The following MARCHF1 variants were observed in gnomAD, a reference collection of about 807,000 sequenced individuals.
The protein encoded by MARCHF1 is E3 ubiquitin-protein ligase MARCHF1.
In MARCHF1, 40 loss-of-function variants were observed where a neutral mutation model predicts 54.2. That is an observed-to-expected ratio of 0.74 (90% CI 0.57 to 0.96). The LOEUF (loss-of-function observed/expected upper bound fraction) is 0.96, where lower values mean the gene tolerates loss of function less well. MARCHF1 is among the 40% of genes least tolerant of loss of function. The pLI, the probability that MARCHF1 is intolerant of heterozygous loss-of-function variation, is 0.00. For missense variants in MARCHF1, 586 were observed against 656.5 expected (o/e 0.89, Z 1.17); for synonymous variants, 236 against 236.3 (o/e 1.00, Z 0.01).
At chr4:163,572,678 A>G (rs78622376) in intron 8 of MARCHF1, among the ~76,000 whole-genome samples, 7,278 of 152,196 alleles carry the variant, frequency 0.048, 559 homozygotes, top group African/African-American at 0.16. Context: ...TTATAGTAGA[A>G]GCACTGTTGT....
At chr4:163,980,014 T>A (rs1272819460) in intron 3 of MARCHF1, among the ~76,000 whole-genome samples, 1 of 151,840 alleles carries the variant, frequency 6.6e-6, no homozygotes, top group African/African-American at 2.4e-5. Flanking sequence ...TGGAAAAAAC[T>A]ACTTTAAAGT....
At chr4:163,603,892 C>G (rs144890018) in intron 7 of MARCHF1, among the ~76,000 whole-genome samples, 3 of 152,152 alleles carry the variant, frequency 2.0e-5, no homozygotes, top group African/African-American at 4.8e-5. Context: ...TTCAAAGGCT[C>G]TCTGTTTGAC....
intron 5 of MARCHF1, among the ~76,000 whole-genome samples, chr4:163,654,773 A>G (rs1743083294): frequency 6.6e-6 from 1 of 151,666 alleles, no homozygotes; most frequent in African/African-American, 2.4e-5. Context: ...TGTAAATTCC[A>G]TACAGCTGAA....
chr4:163,861,623 A>ACTCAACATTGTTAACATATTAATTCTTCC (rs1207617567), intron 3 of MARCHF1, among the ~76,000 whole-genome samples: 1 of 152,102 alleles, frequency 6.6e-6, no homozygotes, highest in African/African-American at 2.4e-5. Flanking sequence ...GGATGGGAAG[A>ACTCAACATTGTTAACATATTAATTCTTCC]CTCAACATTG....
chr4:163,968,571 T>C (rs183518129), intron 3 of MARCHF1, among the ~76,000 whole-genome samples: 9 of 152,286 alleles, frequency 5.9e-5, no homozygotes, highest in African/African-American at 2.2e-4. Context: ...AACACCATTA[T>C]ACCTCACCAG....
intron 2 of MARCHF1, among the ~76,000 whole-genome samples, chr4:164,024,082 A>G (rs183157082): frequency 1.6e-4 from 24 of 152,316 alleles, no homozygotes; most frequent in Admixed American, 1.5e-3. Context: ...GAAATATGGG[A>G]TTATGTGAAG....
At chr4:163,542,692 A>C (rs1738759277) in intron 9 of MARCHF1, among the ~76,000 whole-genome samples, 1 of 152,188 alleles carries the variant, frequency 6.6e-6, no homozygotes, top group East Asian at 1.9e-4. Flanking sequence ...TCTTCAGTAC[A>C]AACTGCTGGC....
At chr4:164,176,495 C>G (rs896727643) in intron 1 of MARCHF1, among the ~76,000 whole-genome samples, 8 of 152,016 alleles carry the variant, frequency 5.3e-5, no homozygotes, top group African/African-American at 1.9e-4. Context: ...CAGGTAACAC[C>G]AAACCCCTTA....
At position 163,737,612 on chromosome 4, in the gene MARCHF1, A is replaced by G. The variant is rs1339019461; in HGVS notation, c.112-36749T>C. Among the ~76,000 whole-genome samples the G allele has an allele frequency of 3.2e-5, 4 of 125,342 alleles. 1 individual carries two copies. The Admixed American group carries it at 3.2e-4, about 10-fold the overall frequency. 82.2% of individuals were successfully genotyped at this position (125,342 alleles called of 152,430 possible). A position where few individuals can be genotyped will look rare whatever the true frequency, so the allele number is the denominator to read the frequency against. On this transcript the variant is annotated intron_variant, in intron 4 of 9. Coordinates refer to ENST00000514618, the MANE Select transcript of MARCHF1 (RefSeq NM_001394959.1). ...GTGCCACATTTTCTTAATCCAGTCT[A>G]TCATTGTTGGACATTTGGGTTTGCA...
At chr4:163,988,835 T>C (rs1752918204) in intron 2 of MARCHF1, 126 bp from the exon 3 acceptor site, 2 of 152,036 alleles carry the variant, frequency 1.3e-5, no homozygotes, top group Non-Finnish European at 2.9e-5. Context: ...ATCCAGGGAG[T>C]ACTGCATTCT....
At chr4:164,019,909 C>T (rs187883215) in intron 2 of MARCHF1, among the ~76,000 whole-genome samples, 7 of 152,184 alleles carry the variant, frequency 4.6e-5, no homozygotes, top group Admixed American at 3.9e-4. Flanking sequence ...ACTGTTTACG[C>T]TAAGAAAAGC....
intron 4 of MARCHF1, among the ~76,000 whole-genome samples, chr4:163,739,498 A>T (rs1398267424): frequency 1.3e-5 from 2 of 152,266 alleles, no homozygotes; most frequent in African/African-American, 4.8e-5. Context: ...GTTATAGAAC[A>T]GTAATTTCAA....
At chr4:163,955,628 C>T (rs963593240) in intron 3 of MARCHF1, among the ~76,000 whole-genome samples, 5 of 152,086 alleles carry the variant, frequency 3.3e-5, no homozygotes, top group African/African-American at 9.7e-5. Context: ...TCTTGAAGAT[C>T]GCATCTAACG....
chr4:164,377,889 C>T (rs957051259), intron 1 of MARCHF1, among the ~76,000 whole-genome samples: 4 of 152,126 alleles, frequency 2.6e-5, no homozygotes, highest in East Asian at 1.9e-4. Flanking sequence ...AGCTGTATTG[C>T]GTAGGAGGCT....
intron 1 of MARCHF1, among the ~76,000 whole-genome samples, chr4:164,201,502 G>A (rs574163052): frequency 5.9e-5 from 9 of 152,306 alleles, no homozygotes; most frequent in Middle Eastern, 3.4e-3. Flanking sequence ...TTATAGGTGT[G>A]AGCCACCGTG....
At chr4:164,003,111 T>C (rs549484581) in intron 2 of MARCHF1, among the ~76,000 whole-genome samples, 1 of 152,078 alleles carries the variant, frequency 6.6e-6, no homozygotes, top group South Asian at 2.1e-4. Flanking sequence ...GCATGATGTA[T>C]GCTATCTGTG....
chr4:164,002,426 A>G (rs1184808775), intron 2 of MARCHF1, among the ~76,000 whole-genome samples: 1 of 151,812 alleles, frequency 6.6e-6, no homozygotes, highest in African/African-American at 2.4e-5. Context: ...CATATTTGAA[A>G]TAAAAATTCA....
rs57610885 is a variant in MARCHF1 at position 164,303,899 on chromosome 4, T to C, written c.-323+79971A>G. Among the ~76,000 whole-genome samples the C allele has an allele frequency of 6.7e-3, 1,013 of 152,324 alleles. 12 individuals are homozygous for C. Among genetic ancestry groups the C allele is most frequent in the African/African-American group, 0.023 (953 of 41,578 alleles). On this transcript the variant is annotated intron_variant, in intron 1 of 9. Transcript: ENST00000514618. ...TAGGAAAGAGAAGTTATAGCCCCTA[T>C]GGGCATTATTGGGTAATCGACACTC...
chr4:163,990,357 TA>T (rs199677517), intron 2 of MARCHF1, among the ~76,000 whole-genome samples: 2,872 of 148,900 alleles, frequency 0.019, 117 homozygotes, highest in East Asian at 0.18. Context: ...ACTGGACAGT[TA>T]AAAAAAAAAA....
Sources: allele counts gnomAD v4.1 joint callset (sites outside exome capture counted in the v4.1 genomes callset), GRCh38; gene constraint gnomAD v4.1.1; transcripts MANE v1.5; gene names NCBI Gene and HGNC (gene_info 2026-07-23, HGNC 2026-07-21).